Variants in TLE3 observed in about 807,000 individuals in gnomAD.
TLE3 encodes the protein TLE family member 3, transcriptional corepressor, also known as transducin-like enhancer protein 3.
A neutral mutation model predicts 93.0 loss-of-function variants in TLE3; 14 were observed. The ratio of observed to expected loss-of-function variants is 0.15; its 90% CI spans 0.10 to 0.24. TLE3 has a LOEUF of 0.24. TLE3 is among the 10% of genes least tolerant of loss of function. The pLI is 1.00. For missense variants in TLE3, 693 were observed against 1,046.6 expected (o/e 0.66, Z 4.66); for synonymous variants, 451 against 425.0 (o/e 1.06, Z -0.75).
intron 9 of TLE3, 72 bp from the exon 10 acceptor site, chr15:70,059,532 A>G: frequency 5.4e-6 from 8 of 1,467,974 alleles, no homozygotes; most frequent in Non-Finnish European, 7.4e-6. Flanking sequence ...AGCCCAAACC[A>G]CCCTGTCCTT....
chr15:70,078,624 G>A (rs1031997841), intron 4 of TLE3, among the ~76,000 whole-genome samples: 10 of 152,240 alleles, frequency 6.6e-5, no homozygotes, highest in Non-Finnish European at 1.2e-4. Context: ...ATCTGTGGGA[G>A]GGGCCGTGGT....
At chr15:70,052,547 T>G (rs528459558) in intron 17 of TLE3, 23 bp from the exon 18 acceptor site, 1 of 1,608,152 alleles carries the variant, frequency 6.2e-7, no homozygotes, top group African/African-American at 1.3e-5. Flanking sequence ...GGAGGGCAGA[T>G]GGACTGAGCT....
chr15:70,062,764 C>T (rs1369186504), intron 8 of TLE3, among the ~76,000 whole-genome samples: 1 of 152,066 alleles, frequency 6.6e-6, no homozygotes, highest in South Asian at 2.1e-4. Context: ...CAGTCTACAC[C>T]GCCGCTGACA....
chr15:70,084,804 A>G (rs1450054878), intron 4 of TLE3, among the ~76,000 whole-genome samples: 1 of 152,230 alleles, frequency 6.6e-6, no homozygotes, highest in Non-Finnish European at 1.5e-5. Context: ...CAACATATGC[A>G]ACACCAAGGA....
rs36022217 is a variant in TLE3 at position 70,064,904 on chromosome 15, T to TAAA, written c.578-437_578-435dup. Among the ~76,000 whole-genome samples the TAAA allele has an allele frequency of 2.1e-3, 288 of 137,946 alleles. 1 individual carries two copies. Among genetic ancestry groups the TAAA allele is most frequent in the African/African-American group, 6.9e-3 (260 of 37,440 alleles). The allele number at this position is 137,946 out of a possible 152,430, so 90.5% of individuals were successfully genotyped here. A position where few individuals can be genotyped will look rare whatever the true frequency, so the allele number is the denominator to read the frequency against. On this transcript the variant is annotated intron_variant, in intron 7 of 19. Coordinates refer to ENST00000451782, the MANE Select transcript of TLE3 (RefSeq NM_001105192.3). ...ACCTGGGAGTTAAGAACTTTATTGT[T>TAAA]AAAAAAAAAAAAAAAAAAAGGAATT... is the stretch of plus-strand genomic sequence containing the variant.
chr15:70,050,244 G>C, intron 19 of TLE3, 40 bp from the exon 20 acceptor site: 1 of 1,498,976 alleles, frequency 6.7e-7, no homozygotes, highest in Non-Finnish European at 9.3e-7. Context: ...GGAAGGCGTG[G>C]GGTGCAGGGA....
chr15:70,053,659 C>T (rs1473585264), intron 16 of TLE3: 2 of 254,538 alleles, frequency 7.9e-6, no homozygotes, highest in Non-Finnish European at 1.5e-5. Context: ...CTGAGTCCCT[C>T]CAGGGTGGGC....
At chr15:70,092,461 G>C (rs565439084) in intron 4 of TLE3, among the ~76,000 whole-genome samples, 3 of 152,330 alleles carry the variant, frequency 2.0e-5, no homozygotes, top group South Asian at 4.1e-4. Flanking sequence ...GTGCCCAGTG[G>C]GGAAGCCAGA....
chr15:70,055,477 A>AG (rs11440222), intron 14 of TLE3, 179 bp from the exon 15 acceptor site: 541,069 of 763,636 alleles, frequency 0.71, 193,845 homozygotes, highest in South Asian at 0.9. Context: ...CGAGGTAGAC[A>AG]TGATTAACAG....
At chr15:70,091,883 C>T (rs912330698) in intron 4 of TLE3, among the ~76,000 whole-genome samples, 1 of 152,142 alleles carries the variant, frequency 6.6e-6, no homozygotes, top group Non-Finnish European at 1.5e-5. Flanking sequence ...AGTGCGTGTG[C>T]GTGTATGCGC....
chr15:70,089,897 G>A (rs1052567603), intron 4 of TLE3, among the ~76,000 whole-genome samples: 9 of 152,212 alleles, frequency 5.9e-5, no homozygotes, highest in Non-Finnish European at 8.8e-5. Context: ...GAAGAACTCC[G>A]TGTCTGCCAC....
At chr15:70,094,001 A>G (rs988259570) in intron 4 of TLE3, among the ~76,000 whole-genome samples, 3 of 152,188 alleles carry the variant, frequency 2.0e-5, no homozygotes, top group Admixed American at 2.0e-4. Flanking sequence ...AAGGCACTGA[A>G]GTTGTATTTC....
chr15:70,071,870 T>C (rs552632021), intron 6 of TLE3, among the ~76,000 whole-genome samples: 1 of 152,292 alleles, frequency 6.6e-6, no homozygotes, highest in East Asian at 1.9e-4. Context: ...GTTATCCTTC[T>C]TCACCTTGCT....
chr15:70,085,767 C>T (rs2058011960), intron 4 of TLE3, among the ~76,000 whole-genome samples: 1 of 152,206 alleles, frequency 6.6e-6, no homozygotes, highest in Non-Finnish European at 1.5e-5. Flanking sequence ...TCCCCCATTT[C>T]AAGTCTGGCT....
Position 70,049,893 on chromosome 15 carries a change from G to A in TLE3, c.*204C>T, listed in dbSNP as rs547935733. On this transcript the variant is annotated 3_prime_UTR_variant, in exon 20 of 20. Transcript: ENST00000451782. ...GGAGGAGGAGGAGCAGAACCCTTCC[G>A]AGTCTGTGAGACACATCAATCCAGG... 19 of 532,618 alleles carry A rather than the reference G, an allele frequency of 3.6e-5. No individual in the cohort carries two copies. The highest frequency in any genetic ancestry group is 1.2e-4 in the South Asian group (5 of 42,752). 33.0% of individuals were successfully genotyped at this position (532,618 alleles called of 1,614,324 possible). A position where few individuals can be genotyped will look rare whatever the true frequency, so the allele number is the denominator to read the frequency against.
chr15:70,057,724 C>T lies in TLE3; in HGVS notation c.1052-66G>A, dbSNP rs2056175399. 5 of 1,520,224 alleles carry T rather than the reference C, an allele frequency of 3.3e-6. No individual in the cohort carries two copies. The African/African-American group carries it at 6.9e-5, about 21-fold the overall frequency. 94.2% of individuals were successfully genotyped at this position (1,520,224 alleles called of 1,614,324 possible). ...TTGGGACATGGCCATGGCCGCCTCACCCAGCAATAACCCTCCCTGCATTCT... is the reference window on the plus strand; with the variant it reads ...TTGGGACATGGCCATGGCCGCCTCATCCAGCAATAACCCTCCCTGCATTCT... On this transcript the variant is annotated intron_variant, in intron 12 of 19. Transcript: ENST00000451782.
rs201235666 is a variant in TLE3, at chr15:70,066,026, G to A, written c.565C>T (p.Leu189Phe). 81 of 1,611,954 alleles carry A rather than the reference G, an allele frequency of 5.0e-5. No homozygotes were observed. Among genetic ancestry groups the A allele is most frequent in the Non-Finnish European group, 5.2e-5 (61 of 1,178,994 alleles). The change falls in exon 7 of 20, where the codon CTC becomes TTC. Residue 189 changes from leucine (L) to phenylalanine (F), a missense_variant. Around this residue, in one of 4 missense-constraint regions of TLE3, gnomAD observed 405 missense variants for 468.9 expected, o/e 0.86. Coordinates refer to ENST00000451782, the MANE Select transcript of TLE3 (RefSeq NM_001105192.3). ...AGCCCAGCCGCACCTCTGTGATCGA[G>A]TTCATGGTGGTTCTTCTCATCCTTC... ...TVKDEKNHHELDHRERESSAN... is the reference protein window; with the variant it reads ...TVKDEKNHHEFDHRERESSAN...
intron 13 of TLE3, among the ~76,000 whole-genome samples, chr15:70,056,991 G>A (rs1251356322): frequency 1.3e-5 from 2 of 152,176 alleles, no homozygotes; most frequent in African/African-American, 4.8e-5. Context: ...GACCCCAGGT[G>A]ATCCACCCGC....
intron 4 of TLE3, among the ~76,000 whole-genome samples, chr15:70,082,042 G>A (rs2057804802): frequency 6.6e-6 from 1 of 152,220 alleles, no homozygotes; most frequent in African/African-American, 2.4e-5. Flanking sequence ...GAGCTGCAGG[G>A]AAAGGCTGGG....
Sources: allele counts gnomAD v4.1 joint callset (sites outside exome capture counted in the v4.1 genomes callset), GRCh38; gene constraint gnomAD v4.1.1; regional missense constraint gnomAD v4.1.1; transcripts MANE v1.5; gene names NCBI Gene and HGNC (gene_info 2026-07-23, HGNC 2026-07-21).